ARRB1: variants seen among roughly 807,000 people sequenced by gnomAD.
The protein encoded by ARRB1 is beta-arrestin-1.
ARRB1 carries 21 observed loss-of-function variants against 56.8 expected under a neutral mutation model. The observed-to-expected ratio is 0.37, with a 90% CI of 0.26 to 0.53. The LOEUF (loss-of-function observed/expected upper bound fraction) is 0.53. ARRB1 is among the 20% of genes least tolerant of loss of function. The pLI is 0.88. For synonymous variants in ARRB1, 210 were observed against 218.6 expected (o/e 0.96, Z 0.35); for missense variants, 424 against 553.7 (o/e 0.77, Z 2.35).
chr11:75,311,982 C>A, intron 1 of ARRB1: 1 of 1,245,444 alleles, frequency 8.0e-7, no homozygotes, highest in Non-Finnish European at 1.1e-6. Context: ...GGCCGAGGGG[C>A]TGGGAAAAAG....
At chr11:75,307,711 C>T (rs952974580) in intron 1 of ARRB1, among the ~76,000 whole-genome samples, 18 of 152,014 alleles carry the variant, frequency 1.2e-4, no homozygotes, top group African/African-American at 4.3e-4. Context: ...GTCTTGCTCA[C>T]ACCCTCCCCT....
At position 75,299,973 on chromosome 11, in the gene ARRB1, G is replaced by A. The variant is rs934427293; in HGVS notation, c.21-9934C>T. Among the ~76,000 whole-genome samples, 11 of 152,112 alleles carry A rather than the reference G, an allele frequency of 7.2e-5. 1 individual carries two copies. The highest frequency in any genetic ancestry group is 5.9e-4 in the Admixed American group (9 of 15,270). On this transcript the variant is annotated intron_variant, in intron 1 of 15. Transcript: ENST00000420843. ...TGTAATCCCAGCACTTTAGGAGGCCGAGGGGGGCAGATCACGAGGTCAGGA... is the reference window on the plus strand; with the variant it reads ...TGTAATCCCAGCACTTTAGGAGGCCAAGGGGGGCAGATCACGAGGTCAGGA...
chr11:75,334,306 CAAAAAAAAAA>C (rs11403871), intron 1 of ARRB1, among the ~76,000 whole-genome samples: 1 of 109,722 alleles, frequency 9.1e-6, no homozygotes, highest in African/African-American at 3.6e-5. Context: ...CCGTCTCAAA[CAAAAAAAAAA>C]AAAAAAAAAA....
intron 2 of ARRB1, 85 bp downstream of exon 2, chr11:75,289,924 G>A (rs781093937): frequency 1.8e-5 from 28 of 1,590,632 alleles, no homozygotes; most frequent in Non-Finnish European, 2.0e-5. Context: ...CATTTCAGGG[G>A]ACATGCCGTT....
At chr11:75,292,449 A>G (rs1319367771) in intron 1 of ARRB1, among the ~76,000 whole-genome samples, 1 of 152,144 alleles carries the variant, frequency 6.6e-6, no homozygotes, top group East Asian at 1.9e-4. Flanking sequence ...CTTCCTTCTC[A>G]TAAATATTTA....
At chr11:75,290,292 C>T (rs994563258) in intron 1 of ARRB1, among the ~76,000 whole-genome samples, 1 of 152,198 alleles carries the variant, frequency 6.6e-6, no homozygotes, top group African/African-American at 2.4e-5. Context: ...GGGCAGGCTG[C>T]GGGAGTCTCC....
chr11:75,291,972 G>T (rs1376735148), intron 1 of ARRB1, among the ~76,000 whole-genome samples: 2 of 152,144 alleles, frequency 1.3e-5, no homozygotes, highest in African/African-American at 4.8e-5. Context: ...AGTGGGTGGT[G>T]GCTCTGCGCT....
At position 75,284,215 on chromosome 11, in the gene ARRB1, G is replaced by C. The variant is rs1396400423; in HGVS notation, c.157+20C>G. ...GAGGAGGCGGCCCTTGACAGGCTGG[G>C]GATGGGGGCCACAGCCTACCTCTCC... On this transcript the variant is annotated intron_variant, in intron 4 of 15. Transcript: ENST00000420843. 2.5e-6 allele frequency: 4 copies of C among 1,600,334 alleles called. No individual in the cohort carries two copies. The Admixed American group carries it at 6.8e-5, about 27-fold the overall frequency.
chr11:75,329,856 T>C lies in ARRB1; in HGVS notation c.20+21732A>G, dbSNP rs77165095. ...AAAAATTTTAAAATCTACCCAGGCA[T>C]GGTAGCACATACCTGTGCTACAAGT... On this transcript the variant is annotated intron_variant, in intron 1 of 15. Coordinates refer to ENST00000420843, the MANE Select transcript of ARRB1 (RefSeq NM_004041.5). 7.2e-3 allele frequency among the ~76,000 whole-genome samples: 1,092 copies of C among 152,224 alleles called. 11 individuals are homozygous for C. The highest frequency in any genetic ancestry group is 0.025 in the African/African-American group (1,034 of 41,528).
At chr11:75,287,491 T>C in intron 2 of ARRB1, 116 bp from the exon 3 acceptor site, 1 of 1,006,632 alleles carries the variant, frequency 9.9e-7, no homozygotes, top group Non-Finnish European at 1.4e-6. Flanking sequence ...CCCTAACCCT[T>C]ATCAAAATCC....
At position 75,265,959 on chromosome 11, in the gene ARRB1, C is replaced by T. The variant is rs932636094; in HGVS notation, c.*204G>A. The T allele has an allele frequency of 1.2e-5, 7 of 582,488 alleles. No homozygotes were observed. In the Admixed American group the frequency reaches 1.8e-4, roughly 15 times the overall value. The allele number at this position is 582,488 out of a possible 1,614,324, so 36.1% of individuals were successfully genotyped here. On this transcript the variant is annotated 3_prime_UTR_variant, in exon 16 of 16. Transcript: ENST00000420843. ...GGAGATGGCAGAGATGGGGTGGAGC[C>T]AGTGCGCTGTGGTCCTGTTGGCGTG... is the stretch of plus-strand genomic sequence containing the variant.
At chr11:75,283,184 T>G (rs1946387743) in intron 5 of ARRB1, 103 bp downstream of exon 5, 2 of 1,219,192 alleles carry the variant, frequency 1.6e-6, no homozygotes, top group Non-Finnish European at 2.3e-6. Context: ...GGAAACTGGG[T>G]GGCAGGGAGC....
intron 7 of ARRB1, among the ~76,000 whole-genome samples, chr11:75,280,575 C>T (rs1308857204): frequency 1.3e-5 from 2 of 152,182 alleles, no homozygotes; most frequent in African/African-American, 4.8e-5. Flanking sequence ...AGAACGCTTC[C>T]CATCTCTTAG....
intron 1 of ARRB1, among the ~76,000 whole-genome samples, chr11:75,310,986 A>G (rs1188899795): frequency 6.6e-6 from 1 of 152,188 alleles, no homozygotes; most frequent in Admixed American, 6.5e-5. Flanking sequence ...AGGGTAGGGG[A>G]GACAGATGTC....
chr11:75,282,470 C>T (rs1415602653), intron 5 of ARRB1, among the ~76,000 whole-genome samples: 3 of 152,270 alleles, frequency 2.0e-5, no homozygotes, highest in Non-Finnish European at 4.4e-5. Flanking sequence ...GTCTGAGCCA[C>T]AGTGATGGGA....
intron 1 of ARRB1, chr11:75,306,763 G>A (rs1005732473): frequency 1.1e-5 from 11 of 985,672 alleles, no homozygotes; most frequent in African/African-American, 1.7e-5. Flanking sequence ...TTCCTGATAC[G>A]CGTCCTGTTT....
At chr11:75,304,181 C>T (rs983681361) in intron 1 of ARRB1, among the ~76,000 whole-genome samples, 3 of 152,174 alleles carry the variant, frequency 2.0e-5, no homozygotes, top group African/African-American at 7.2e-5. Context: ...CCAATTTCAA[C>T]ATGCAAACTT....
intron 1 of ARRB1, among the ~76,000 whole-genome samples, chr11:75,342,352 G>T (rs1381833303): frequency 6.6e-6 from 1 of 152,116 alleles, no homozygotes. Context: ...CTGGGCCAAG[G>T]AGCAATGCTT....
intron 1 of ARRB1, among the ~76,000 whole-genome samples, chr11:75,314,813 C>A (rs149493544): frequency 1.3e-5 from 2 of 151,678 alleles, no homozygotes; most frequent in African/African-American, 4.8e-5. Context: ...CACCATGTTG[C>A]CCAGGCTGGT....
Sources: allele counts gnomAD v4.1 joint callset (sites outside exome capture counted in the v4.1 genomes callset), GRCh38; gene constraint gnomAD v4.1.1; transcripts MANE v1.5; gene names NCBI Gene and HGNC (gene_info 2026-07-23, HGNC 2026-07-21).